SEMA5A: variants seen among roughly 807,000 people sequenced by gnomAD.
SEMA5A encodes the protein semaphorin 5A.
A neutral mutation model predicts 135.5 loss-of-function variants in SEMA5A; 55 were observed. The observed-to-expected ratio is 0.41, with a 90% CI of 0.33 to 0.51. SEMA5A has a LOEUF of 0.51. SEMA5A is among the 20% of genes least tolerant of loss of function. The probability of loss-of-function intolerance (pLI) is 0.37; values close to 1 mark genes in which losing one functional copy is unlikely to be tolerated. For synonymous variants in SEMA5A, 580 were observed against 546.5 expected (o/e 1.06, Z -0.85); for missense variants, 1,290 against 1,419.9 (o/e 0.91, Z 1.47).
intron 5 of SEMA5A, among the ~76,000 whole-genome samples, chr5:9,267,852 A>G (rs1187060766): frequency 2.0e-5 from 3 of 152,172 alleles, no homozygotes; most frequent in East Asian, 3.8e-4. Context: ...GCAGCTGGGT[A>G]CAAAGGGTTT....
chr5:9,292,958 A>T (rs948080472), intron 5 of SEMA5A, among the ~76,000 whole-genome samples: 2 of 152,170 alleles, frequency 1.3e-5, no homozygotes, highest in African/African-American at 4.8e-5. Context: ...GGCCCAAAAC[A>T]TCAATAGTGT....
At chr5:9,353,622 G>A (rs1754312751) in intron 3 of SEMA5A, among the ~76,000 whole-genome samples, 1 of 152,086 alleles carries the variant, frequency 6.6e-6, no homozygotes, top group Admixed American at 6.5e-5. Context: ...CATCAATAAG[G>A]AGGAGCACTT....
intron 18 of SEMA5A, among the ~76,000 whole-genome samples, chr5:9,059,230 C>T (rs1479054371): frequency 6.6e-6 from 1 of 150,598 alleles, no homozygotes; most frequent in African/African-American, 2.5e-5. Context: ...AGGTTGCTTT[C>T]CTCTTAGCTG....
At chr5:9,170,366 C>T (rs912236857) in intron 11 of SEMA5A, among the ~76,000 whole-genome samples, 1 of 152,172 alleles carries the variant, frequency 6.6e-6, no homozygotes, top group Non-Finnish European at 1.5e-5. Flanking sequence ...TGCCATACTC[C>T]ACTACCCAAC....
At chr5:9,123,570 A>G (rs549216740) in intron 13 of SEMA5A, among the ~76,000 whole-genome samples, 2 of 152,224 alleles carry the variant, frequency 1.3e-5, no homozygotes, top group South Asian at 4.1e-4. Flanking sequence ...ATTGTCCACT[A>G]ATTTGGAAAA....
intron 4 of SEMA5A, among the ~76,000 whole-genome samples, chr5:9,336,727 C>T (rs1028245977): frequency 1.3e-5 from 2 of 152,106 alleles, no homozygotes; most frequent in African/African-American, 4.8e-5. Context: ...GCAAAAGCAA[C>T]GATCCTAGAA....
At chr5:9,167,070 T>G (rs1308644264) in intron 11 of SEMA5A, among the ~76,000 whole-genome samples, 1 of 152,162 alleles carries the variant, frequency 6.6e-6, no homozygotes, top group East Asian at 1.9e-4. Flanking sequence ...TAAGCACTTT[T>G]GCACTTTTGA....
At chr5:9,342,475 T>C (rs1342679589) in intron 3 of SEMA5A, among the ~76,000 whole-genome samples, 2 of 152,160 alleles carry the variant, frequency 1.3e-5, no homozygotes, top group Non-Finnish European at 2.9e-5. Flanking sequence ...AAAAGCTATA[T>C]GGGTGACTTG....
intron 16 of SEMA5A, among the ~76,000 whole-genome samples, chr5:9,081,854 C>T (rs1299953621): frequency 6.6e-6 from 1 of 152,300 alleles, no homozygotes; most frequent in East Asian, 1.9e-4. Context: ...TAAGTATCTT[C>T]TGCTTTAAGA....
intron 5 of SEMA5A, among the ~76,000 whole-genome samples, chr5:9,291,060 A>T (rs1208811862): frequency 6.6e-6 from 1 of 152,174 alleles, no homozygotes; most frequent in Non-Finnish European, 1.5e-5. Context: ...TGTGGTATAA[A>T]CATTCTAGAA....
chr5:9,080,333 G>A (rs1235313219), intron 16 of SEMA5A, among the ~76,000 whole-genome samples: 1 of 152,136 alleles, frequency 6.6e-6, no homozygotes, highest in Non-Finnish European at 1.5e-5. Flanking sequence ...TCACTCATAA[G>A]TAGGAGTTGA....
At chr5:9,116,182 A>T (rs953397917) in intron 15 of SEMA5A, among the ~76,000 whole-genome samples, 1 of 152,144 alleles carries the variant, frequency 6.6e-6, no homozygotes, top group African/African-American at 2.4e-5. Context: ...CAAGCAGAGG[A>T]TCTAGCTAAG....
intron 5 of SEMA5A, among the ~76,000 whole-genome samples, chr5:9,287,393 A>G (rs909822964): frequency 6.6e-6 from 1 of 152,212 alleles, no homozygotes; most frequent in African/African-American, 2.4e-5. Flanking sequence ...TCATATATAC[A>G]TAATTCCTAA....
intron 1 of SEMA5A, among the ~76,000 whole-genome samples, chr5:9,526,135 T>G (rs1051735927): frequency 2.0e-5 from 3 of 152,250 alleles, no homozygotes. Context: ...AAGCTTGCAT[T>G]GTACATCGAG....
At chr5:9,236,615 C>A (rs1747926690) in intron 6 of SEMA5A, among the ~76,000 whole-genome samples, 1 of 152,190 alleles carries the variant, frequency 6.6e-6, no homozygotes, top group Non-Finnish European at 1.5e-5. Flanking sequence ...TTGAGGATAT[C>A]ACATTCGAAT....
chr5:9,420,857 A>T (rs1757441253), intron 2 of SEMA5A, among the ~76,000 whole-genome samples: 1 of 152,136 alleles, frequency 6.6e-6, no homozygotes, highest in African/African-American at 2.4e-5. Context: ...TACTAAAAAT[A>T]TATAAAAAAT....
intron 3 of SEMA5A, among the ~76,000 whole-genome samples, chr5:9,378,030 A>G (rs1308175442): frequency 6.6e-6 from 1 of 152,240 alleles, no homozygotes; most frequent in South Asian, 2.1e-4. Context: ...TTCACCATGT[A>G]CAAGGATGTA....
intron 16 of SEMA5A, among the ~76,000 whole-genome samples, chr5:9,095,072 T>A (rs1056681837): frequency 5.9e-5 from 9 of 152,206 alleles, no homozygotes; most frequent in African/African-American, 1.9e-4. Flanking sequence ...TATTTACTTA[T>A]ATTGACATAT....
chr5:9,382,523 T>C (rs1046167714), intron 2 of SEMA5A, among the ~76,000 whole-genome samples: 3 of 152,178 alleles, frequency 2.0e-5, no homozygotes, highest in Admixed American at 2.0e-4. Context: ...TCTGTATTTT[T>C]TGAGTCAAAC....
Sources: gnomAD v4.1 joint callset for allele counts (sites outside exome capture counted in the v4.1 genomes callset) on GRCh38, gnomAD v4.1.1 for gene constraint, MANE v1.5 for transcripts, NCBI Gene and HGNC (gene_info 2026-07-23, HGNC 2026-07-21) for gene names.